Variants in FBXL7 observed in about 807,000 individuals in gnomAD.
FBXL7 encodes F-box/LRR-repeat protein 7.
In FBXL7, 12 loss-of-function variants were observed where a neutral mutation model predicts 38.3. That is an observed-to-expected ratio of 0.31 (90% CI 0.20 to 0.51). The LOEUF (loss-of-function observed/expected upper bound fraction) is 0.51. FBXL7 is among the 20% of genes least tolerant of loss of function. The pLI, the probability that FBXL7 is intolerant of heterozygous loss-of-function variation, is 0.98. For missense variants in FBXL7, 567 were observed against 676.4 expected (o/e 0.84, Z 1.79); for synonymous variants, 297 against 300.9 (o/e 0.99, Z 0.13).
intron 1 of FBXL7, among the ~76,000 whole-genome samples, chr5:15,581,352 C>G (rs1237427707): frequency 6.6e-6 from 1 of 152,128 alleles, no homozygotes; most frequent in Non-Finnish European, 1.5e-5. Context: ...TGCCCACCGC[C>G]CATCCTCCAT....
chr5:15,563,791 T>G (rs1738482675), intron 1 of FBXL7, among the ~76,000 whole-genome samples: 1 of 152,044 alleles, frequency 6.6e-6, no homozygotes, highest in African/African-American at 2.4e-5. Context: ...CTAAGGTACT[T>G]AGGGAATTAT....
At chr5:15,578,018 G>A (rs1739025309) in intron 1 of FBXL7, among the ~76,000 whole-genome samples, 1 of 152,158 alleles carries the variant, frequency 6.6e-6, no homozygotes, top group Admixed American at 6.5e-5. Context: ...TTGTTTATGG[G>A]ATGTGTGGTC....
chr5:15,903,174 T>C (rs893693574), intron 2 of FBXL7, among the ~76,000 whole-genome samples: 1 of 152,234 alleles, frequency 6.6e-6, no homozygotes, highest in Non-Finnish European at 1.5e-5. Flanking sequence ...GAGTAGAGAA[T>C]GGGACCCATC....
chr5:15,841,479 A>AT (rs966849490), intron 2 of FBXL7, among the ~76,000 whole-genome samples: 31 of 149,806 alleles, frequency 2.1e-4, no homozygotes, highest in East Asian at 1.2e-3. Flanking sequence ...AAAGATGTTC[A>AT]TTTTTTTTTT....
At chr5:15,791,557 T>C (rs142742155) in intron 2 of FBXL7, among the ~76,000 whole-genome samples, 13 of 152,228 alleles carry the variant, frequency 8.5e-5, no homozygotes, top group Admixed American at 4.6e-4. Context: ...CCAGGGACTT[T>C]TACAAAGTTG....
intron 1 of FBXL7, among the ~76,000 whole-genome samples, chr5:15,593,453 G>A (rs772213421): frequency 6.6e-6 from 1 of 152,060 alleles, no homozygotes; most frequent in South Asian, 2.1e-4. Flanking sequence ...GAACCCAGGA[G>A]GCGGAGGCTA....
intron 2 of FBXL7, among the ~76,000 whole-genome samples, chr5:15,680,378 A>T (rs1024897011): frequency 6.6e-6 from 1 of 152,216 alleles, no homozygotes; most frequent in African/African-American, 2.4e-5. Context: ...CACTTTTGCA[A>T]TGTGCAACCT....
chr5:15,742,592 TACA>T (rs2126676584), intron 2 of FBXL7, among the ~76,000 whole-genome samples: 1 of 152,350 alleles, frequency 6.6e-6, no homozygotes, highest in Admixed American at 6.5e-5. Context: ...CAGGTAGGAC[TACA>T]TTGTAATTTG....
chr5:15,778,653 G>A (rs1736918631), intron 2 of FBXL7, among the ~76,000 whole-genome samples: 1 of 152,056 alleles, frequency 6.6e-6, no homozygotes. Context: ...CTACCAAGCA[G>A]CTCATTTCAT....
rs539654276 is a variant in FBXL7 at position 15,860,196 on chromosome 5, A to G, written c.128-67694A>G. The stretch of plus-strand genomic sequence containing the variant: ...TACGTGGAATTCCAGTTTTCAAACA[A>G]TTTATTGGTAACAAAATTTTATTCC... On this transcript the variant is annotated intron_variant, in intron 2 of 3. Coordinates refer to ENST00000504595, the MANE Select transcript of FBXL7 (RefSeq NM_012304.5). Among the ~76,000 whole-genome samples, 5 of 152,324 alleles carry G rather than the reference A, an allele frequency of 3.3e-5. No individual in the cohort carries two copies. The South Asian group carries it at 1.0e-3, about 32-fold the overall frequency.
chr5:15,742,899 A>G (rs1319203888), intron 2 of FBXL7, among the ~76,000 whole-genome samples: 4 of 152,184 alleles, frequency 2.6e-5, no homozygotes, highest in African/African-American at 9.7e-5. Context: ...TGGCGGCAGC[A>G]AGGAGAAGTA....
At chr5:15,525,283 C>A (rs138751460) in intron 1 of FBXL7, among the ~76,000 whole-genome samples, 1 of 152,246 alleles carries the variant, frequency 6.6e-6, no homozygotes, top group African/African-American at 2.4e-5. Flanking sequence ...GGAACTATTT[C>A]TCTTGGACAA....
intron 2 of FBXL7, among the ~76,000 whole-genome samples, chr5:15,635,865 TGA>T (rs1054463598): frequency 1.3e-4 from 19 of 151,200 alleles, no homozygotes; most frequent in African/African-American, 4.4e-4. Flanking sequence ...TGGGACCATG[TGA>T]GAGAGAATGT....
chr5:15,725,785 A>C (rs1423679007), intron 2 of FBXL7, among the ~76,000 whole-genome samples: 1 of 152,048 alleles, frequency 6.6e-6, no homozygotes, highest in Non-Finnish European at 1.5e-5. Context: ...ACAGGTGCTC[A>C]CCACCACAGC....
intron 1 of FBXL7, among the ~76,000 whole-genome samples, chr5:15,555,780 A>G (rs1390344412): frequency 1.9e-5 from 2 of 103,346 alleles, no homozygotes; most frequent in Non-Finnish European, 3.8e-5. Flanking sequence ...GGAGAAGGGT[A>G]GATGAGATAG....
chr5:15,840,783 G>A (rs976795250), intron 2 of FBXL7, among the ~76,000 whole-genome samples: 1 of 146,650 alleles, frequency 6.8e-6, no homozygotes, highest in African/African-American at 2.5e-5. Flanking sequence ...GGAGGTGGAC[G>A]TTGCAGTAAG....
chr5:15,501,710 T>C, intron 1 of FBXL7: 1 of 985,478 alleles, frequency 1.0e-6, no homozygotes, highest in Non-Finnish European at 1.2e-6. Flanking sequence ...AACTTTGAGC[T>C]GTGGCCACAG....
At chr5:15,683,480 T>A (rs1579375357) in intron 2 of FBXL7, among the ~76,000 whole-genome samples, 2 of 152,310 alleles carry the variant, frequency 1.3e-5, no homozygotes, top group South Asian at 2.1e-4. Flanking sequence ...ACACTGCATC[T>A]GGCCCTAGGT....
In FBXL7 at chr5:15,854,390, A is replaced by G. The variant is rs115440240; in HGVS notation, c.128-73500A>G. On this transcript the variant is annotated intron_variant, in intron 2 of 3. Coordinates refer to ENST00000504595, the MANE Select transcript of FBXL7 (RefSeq NM_012304.5). ...TGTTAGCCATCATATTAATTATTCT[A>G]TCTTTCAGTAGGATCTGAAGTCTGT... Among the ~76,000 whole-genome samples, 288 of 152,332 alleles carry G rather than the reference A, an allele frequency of 1.9e-3. 2 individuals carry two copies. The highest frequency in any genetic ancestry group is 6.1e-3 in the African/African-American group (252 of 41,580).
Sources: gnomAD v4.1 joint callset for allele counts (sites outside exome capture counted in the v4.1 genomes callset) on GRCh38, gnomAD v4.1.1 for gene constraint, MANE v1.5 for transcripts, NCBI Gene and HGNC (gene_info 2026-07-23, HGNC 2026-07-21) for gene names.